WHRN: variants seen among roughly 807,000 people sequenced by gnomAD.
WHRN encodes the protein whirlin.
In WHRN, 41 loss-of-function variants were observed where a neutral mutation model predicts 68.3. That is an observed-to-expected ratio of 0.60 (90% CI 0.47 to 0.78). The LOEUF is 0.78. Ranked by LOEUF, WHRN falls within the 30% of genes least tolerant of loss-of-function variation. WHRN has a pLI of 0.00. For missense variants in WHRN, 1,243 were observed against 1,244.7 expected (o/e 1.00, Z 0.02); for synonymous variants, 560 against 561.3 (o/e 1.00, Z 0.03).
chr9:114,498,430 C>T (rs1009993851), intron 1 of WHRN, among the ~76,000 whole-genome samples: 17 of 152,106 alleles, frequency 1.1e-4, no homozygotes, highest in African/African-American at 3.6e-4. Flanking sequence ...CCTGTGGCCA[C>T]GGATGGGTCT....
intron 1 of WHRN, among the ~76,000 whole-genome samples, chr9:114,492,874 G>A (rs1843107317): frequency 6.6e-6 from 1 of 152,022 alleles, no homozygotes; most frequent in Non-Finnish European, 1.5e-5. Flanking sequence ...ACACCATGCT[G>A]GGCATGGTGG....
chr9:114,452,758 TCCTC>T (rs1232549265), intron 3 of WHRN, among the ~76,000 whole-genome samples: 2 of 152,104 alleles, frequency 1.3e-5, no homozygotes, highest in African/African-American at 4.8e-5. Context: ...CATCTTCAGC[TCCTC>T]CCTGATGGAG....
intron 2 of WHRN, among the ~76,000 whole-genome samples, chr9:114,470,874 A>G (rs1313952740): frequency 6.8e-6 from 1 of 147,804 alleles, no homozygotes; most frequent in Non-Finnish European, 1.5e-5. Context: ...CAGCAGGGAG[A>G]GAGCCAAGAG....
chr9:114,473,324 G>A (rs1841397595), intron 2 of WHRN, among the ~76,000 whole-genome samples: 1 of 152,204 alleles, frequency 6.6e-6, no homozygotes, highest in Non-Finnish European at 1.5e-5. Context: ...GGTGCTGTGT[G>A]CAGGCAGGCT....
At chr9:114,428,876 C>T (rs78688859) in intron 3 of WHRN, among the ~76,000 whole-genome samples, 1,631 of 152,142 alleles carry the variant, frequency 0.011, 27 homozygotes, top group African/African-American at 0.038. Flanking sequence ...GAGCTAGCAT[C>T]CTCATCACTG....
chr9:114,486,959 GTATATATATATATATATATA>G (rs869241280), intron 1 of WHRN, among the ~76,000 whole-genome samples: 46 of 5,034 alleles, frequency 9.1e-3, no homozygotes, highest in African/African-American at 0.011. Flanking sequence ...GTGTGTGTGT[GTATATATATATATATATATA>G]TATATATATA....
chr9:114,499,339 C>A (rs565190708), intron 1 of WHRN, among the ~76,000 whole-genome samples: 3 of 152,124 alleles, frequency 2.0e-5, no homozygotes, highest in Admixed American at 6.5e-5. Context: ...TAGAAGTCTG[C>A]GTGAGTTCAG....
chr9:114,409,166 C>T (rs926718233), intron 7 of WHRN, among the ~76,000 whole-genome samples: 2 of 152,248 alleles, frequency 1.3e-5, no homozygotes, highest in African/African-American at 4.8e-5. Context: ...CAACACTTGG[C>T]TGAGGTCTCA....
intron 7 of WHRN, among the ~76,000 whole-genome samples, chr9:114,423,099 T>G (rs1836458090): frequency 6.6e-6 from 1 of 152,072 alleles, no homozygotes; most frequent in Non-Finnish European, 1.5e-5. Flanking sequence ...ATCTCTCCTG[T>G]TCACCTGTTG....
At position 114,413,525 on chromosome 9, in the gene WHRN, G is replaced by C. The variant is rs147826889; in HGVS notation, c.1627-5507C>G. ...ATTTGTGGGACAAGACCCTGGAAGT[G>C]TCAGTCATGCAGGTGGCGACGGGGA... On this transcript the variant is annotated intron_variant, in intron 7 of 11. Coordinates refer to ENST00000362057, the MANE Select transcript of WHRN (RefSeq NM_015404.4). Among the ~76,000 whole-genome samples, 3 of 152,344 alleles carry C rather than the reference G, an allele frequency of 2.0e-5. No individual in the cohort carries two copies. In the East Asian group the frequency reaches 5.8e-4, roughly 29 times the overall value.
At chr9:114,500,852 T>C (rs1224958802) in intron 1 of WHRN, among the ~76,000 whole-genome samples, 2 of 152,220 alleles carry the variant, frequency 1.3e-5, no homozygotes, top group African/African-American at 2.4e-5. Context: ...GTCAGTACAG[T>C]GTATAACCCA....
chr9:114,468,788 A>T (rs1840940330), intron 2 of WHRN, among the ~76,000 whole-genome samples: 1 of 152,136 alleles, frequency 6.6e-6, no homozygotes, highest in African/African-American at 2.4e-5. Flanking sequence ...GACACTTGGG[A>T]ACAGTAACCC....
At chr9:114,454,283 AAT>A (rs1484132695) in intron 3 of WHRN, among the ~76,000 whole-genome samples, 20 of 152,254 alleles carry the variant, frequency 1.3e-4, no homozygotes, top group African/African-American at 4.8e-4. Flanking sequence ...AAGAAAAAGA[AAT>A]AAAAGGCATA....
intron 7 of WHRN, among the ~76,000 whole-genome samples, chr9:114,408,702 C>T (rs1418841462): frequency 6.6e-6 from 1 of 152,230 alleles, no homozygotes; most frequent in African/African-American, 2.4e-5. Context: ...AAAGAGCTTC[C>T]ACCACTGTGA....
chr9:114,456,846 T>C (rs1205031854), intron 3 of WHRN, among the ~76,000 whole-genome samples: 4 of 150,186 alleles, frequency 2.7e-5, no homozygotes, highest in Admixed American at 2.0e-4. Flanking sequence ...AAAAAAAGTA[T>C]ATGGATTAGG....
chr9:114,413,140 T>C (rs1417704107), intron 7 of WHRN, among the ~76,000 whole-genome samples: 11 of 152,202 alleles, frequency 7.2e-5, no homozygotes, highest in African/African-American at 2.7e-4. Context: ...CCTCTGGATA[T>C]TCGCCAGTGG....
chr9:114,455,793 T>C (rs1839738940), intron 3 of WHRN, among the ~76,000 whole-genome samples: 1 of 152,006 alleles, frequency 6.6e-6, no homozygotes, highest in Non-Finnish European at 1.5e-5. Context: ...CAACTTATGA[T>C]GGTGTTATAT....
rs886063375 is a variant in WHRN, at chr9:114,505,300, C to T, written c.-499G>A. 42 of 153,892 alleles carry T rather than the reference C, an allele frequency of 2.7e-4. No homozygotes were observed. The highest frequency in any genetic ancestry group is 5.2e-4 in the Admixed American group (8 of 15,322). 9.5% of individuals were successfully genotyped at this position (153,892 alleles called of 1,614,324 possible). A position where few individuals can be genotyped will look rare whatever the true frequency, so the allele number is the denominator to read the frequency against. Reference sequence around the variant, plus strand: ...AAGTTGGGGCGGAGGGCGCTCTAGTCCCAGAGCACTCCGGGGAGTGGCAGC... The same window carrying T: ...AAGTTGGGGCGGAGGGCGCTCTAGTTCCAGAGCACTCCGGGGAGTGGCAGC... On this transcript the variant is annotated 5_prime_UTR_variant, in exon 1 of 12. Transcript: ENST00000362057.
intron 2 of WHRN, among the ~76,000 whole-genome samples, chr9:114,467,878 G>A (rs557101954): frequency 9.8e-5 from 15 of 152,318 alleles, no homozygotes; most frequent in African/African-American, 2.4e-4. Flanking sequence ...GACTGCCCAC[G>A]GGACAGGGAG....
Sources: allele counts gnomAD v4.1 joint callset (sites outside exome capture counted in the v4.1 genomes callset), GRCh38; gene constraint gnomAD v4.1.1; transcripts MANE v1.5; gene names NCBI Gene and HGNC (gene_info 2026-07-23, HGNC 2026-07-21).